Variants in PTPN2 observed in about 807,000 individuals in gnomAD.
The protein encoded by PTPN2 is tyrosine-protein phosphatase non-receptor type 2.
A neutral mutation model predicts 57.3 loss-of-function variants in PTPN2; 19 were observed. That is an observed-to-expected ratio of 0.33 (90% confidence interval 0.23 to 0.49). PTPN2 has a LOEUF of 0.49. Among genes scored for constraint, PTPN2 ranks in the 20% least tolerant of loss-of-function variants. PTPN2 has a pLI of 0.99. For synonymous variants in PTPN2, 153 were observed against 164.9 expected (o/e 0.93, Z 0.55); for missense variants, 358 against 501.1 (o/e 0.71, Z 2.73).
intron 1 of PTPN2, chr18:12,880,566 A>T (rs2044635741): frequency 6.6e-6 from 1 of 152,246 alleles, no homozygotes; most frequent in African/African-American, 2.4e-5. Flanking sequence ...GTATCTGTTA[A>T]TCTAGCTGCT....
intron 1 of PTPN2, chr18:12,863,430 G>T (rs2043881281): frequency 6.6e-6 from 1 of 151,680 alleles, no homozygotes; most frequent in Non-Finnish European, 1.5e-5. Flanking sequence ...CTGCACTCTA[G>T]CCTGGGCAAC....
chr18:12,841,910 T>A (rs1365967542), intron 2 of PTPN2, among the ~76,000 whole-genome samples: 1 of 9,462 alleles, frequency 1.1e-4, no homozygotes, highest in East Asian at 2.0e-3. Context: ...ATCTCACCAT[T>A]TTTTTTTTTT....
intron 3 of PTPN2, among the ~76,000 whole-genome samples, chr18:12,834,947 G>T (rs1021018909): frequency 2.0e-4 from 31 of 152,198 alleles, no homozygotes; most frequent in African/African-American, 7.5e-4. Flanking sequence ...ACCCACTGCA[G>T]TATACCAAAA....
chr18:12,873,901 C>A (rs1375892313), intron 1 of PTPN2, among the ~76,000 whole-genome samples: 3 of 148,662 alleles, frequency 2.0e-5, no homozygotes, highest in African/African-American at 7.9e-5. Flanking sequence ...TGCCCCGCCG[C>A]CCCGTCTGGG....
intron 2 of PTPN2, chr18:12,841,083 G>T: frequency 9.9e-7 from 1 of 1,011,712 alleles, no homozygotes; most frequent in Non-Finnish European, 1.3e-6. Flanking sequence ...ATTAAGCCGT[G>T]ACTCTGAGTA....
downstream of PTPN2, among the ~76,000 whole-genome samples, chr18:12,788,433 T>TC (rs1491453064): frequency 1.3e-3 from 4 of 3,104 alleles, no homozygotes; most frequent in Non-Finnish European, 3.4e-3. Context: ...GGATCAGGGC[T>TC]TTTTTTTTTT....
At chr18:12,831,954 A>G (rs867337840) in intron 3 of PTPN2, among the ~76,000 whole-genome samples, 52 of 152,230 alleles carry the variant, frequency 3.4e-4, no homozygotes, top group African/African-American at 1.2e-3. Context: ...AGAAGGTTAA[A>G]ATGAGATGTA....
chr18:12,819,155 G>A, intron 5 of PTPN2: 1 of 700,662 alleles, frequency 1.4e-6, no homozygotes, highest in Non-Finnish European at 2.2e-6. Context: ...CCCAGACTCA[G>A]TATATAAGGT....
At chr18:12,808,187 G>C (rs565606208) in intron 7 of PTPN2, among the ~76,000 whole-genome samples, 1 of 151,606 alleles carries the variant, frequency 6.6e-6, no homozygotes, top group Non-Finnish European at 1.5e-5. Context: ...ACCCTATCTC[G>C]AAAAAAATTT....
rs1263227205 is a variant in PTPN2 at position 12,792,299 on chromosome 18, T to C, written c.*1979A>G. On this transcript the variant is annotated 3_prime_UTR_variant, in exon 9 of 9. Coordinates refer to ENST00000309660, the MANE Select transcript of PTPN2 (RefSeq NM_002828.4). ...TTTTCAAACTTTTTTTTTTTTTTTT[T>C]TTGAGACGAAGTCTTGCTCTGTTGC... is the stretch of plus-strand genomic sequence containing the variant. 1.1e-6 allele frequency: 1 copy of C among 919,678 alleles called. No homozygotes were observed. Among genetic ancestry groups the C allele is most frequent in the East Asian group, 1.2e-4 (1 of 8,520 alleles). The allele number at this position is 919,678 out of a possible 1,614,324, so 57.0% of individuals were successfully genotyped here.
chr18:12,884,122 C>T lies in PTPN2; in HGVS notation c.20G>A (p.Arg7Gln). The change falls in exon 1 of 9, where the codon CGG becomes CAG. Residue 7 changes from arginine (R) to glutamine (Q), a missense_variant. Arg to Gln is a conservative substitution (Grantham distance 43). Transcript: ENST00000309660. MPTTIE[R>Q]EFEELDTQRR... Reference sequence around the variant, plus strand: ...CTGAGTATCCAACTCTTCGAACTCCCGCTCGATGGTGGTGGGCATGGCTGC... The same window carrying T: ...CTGAGTATCCAACTCTTCGAACTCCTGCTCGATGGTGGTGGGCATGGCTGC... 7.6e-6 allele frequency: 12 copies of T among 1,588,114 alleles called. No individual in the cohort carries two copies. The highest frequency in any genetic ancestry group is 1.0e-5 in the Non-Finnish European group (12 of 1,168,724).
intron 4 of PTPN2, among the ~76,000 whole-genome samples, chr18:12,827,644 C>T (rs1032994544): frequency 4.0e-5 from 6 of 151,248 alleles, no homozygotes; most frequent in Admixed American, 2.6e-4. Flanking sequence ...CTCAGCCTCC[C>T]AAAGTGCTGG....
chr18:12,827,742 GAGAA>G (rs2042528750), intron 4 of PTPN2, among the ~76,000 whole-genome samples: 1 of 151,820 alleles, frequency 6.6e-6, no homozygotes, highest in Non-Finnish European at 1.5e-5. Flanking sequence ...CAGGATTAAA[GAGAA>G]CGTGACAAAT....
At chr18:12,833,976 T>C (rs983563854) in intron 3 of PTPN2, among the ~76,000 whole-genome samples, 1 of 152,188 alleles carries the variant, frequency 6.6e-6, no homozygotes, top group African/African-American at 2.4e-5. Flanking sequence ...TTCTGAGTTC[T>C]CGCATTAAAT....
intron 6 of PTPN2, among the ~76,000 whole-genome samples, chr18:12,815,746 T>A (rs2042054307): frequency 6.6e-6 from 1 of 152,218 alleles, no homozygotes; most frequent in South Asian, 2.1e-4. Flanking sequence ...CCGTTCCCAA[T>A]TCCTAGCTTT....
chr18:12,831,082 CAGAA>C lies in PTPN2; in HGVS notation c.262-45_262-42del, dbSNP rs1027375428. On this transcript the variant is annotated intron_variant, in intron 3 of 8. Transcript: ENST00000309660. Reference sequence around the variant, plus strand: ...AGAGAGAGCAGATGAGGGAAGCAGACAGAAAGAGCAAGGCTCCAGGAAGGCCTTG... The same window carrying C: ...AGAGAGAGCAGATGAGGGAAGCAGACAGAGCAAGGCTCCAGGAAGGCCTTG... 5.7e-6 allele frequency: 8 copies of C among 1,412,924 alleles called. No individual in the cohort carries two copies. The African/African-American group carries it at 1.1e-4, about 20-fold the overall frequency. The allele number at this position is 1,412,924 out of a possible 1,614,324, so 87.5% of individuals were successfully genotyped here. A position where few individuals can be genotyped will look rare whatever the true frequency, so the allele number is the denominator to read the frequency against.
intron 7 of PTPN2, among the ~76,000 whole-genome samples, chr18:12,802,579 T>A (rs2041470917): frequency 6.6e-6 from 1 of 152,006 alleles, no homozygotes; most frequent in Non-Finnish European, 1.5e-5. Flanking sequence ...AATAAAGCCA[T>A]CAAAAGTCAG....
At chr18:12,818,009 G>A (rs1389507306) in intron 5 of PTPN2, among the ~76,000 whole-genome samples, 1 of 152,086 alleles carries the variant, frequency 6.6e-6, no homozygotes, top group Non-Finnish European at 1.5e-5. Context: ...AGGCGTGGTG[G>A]CGCGTGCCTG....
Position 12,825,911 on chromosome 18 carries a change from G to C in PTPN2, c.394C>G (p.Gln132Glu). The change falls in exon 5 of 9, where the codon CAA (glutamine) becomes GAA (glutamate). Residue 132 changes from glutamine (Q) to glutamate (E), a missense_variant. Gln to Glu is a conservative substitution (Grantham distance 29). This residue lies in a region of PTPN2 where 193 missense variants were observed against 315.4 expected (regional missense o/e 0.61). Coordinates refer to ENST00000309660, the MANE Select transcript of PTPN2 (RefSeq NM_002828.4). ...CCTGTTTCTTTAAACAGCATCTCTT[G>C]GTCATCTGTTGGCCAGTACTGTGCA... is the stretch of plus-strand genomic sequence containing the variant. The part of the protein sequence containing the change: ...KCAQYWPTDD[Q>E]EMLFKETGFS... 2 of 1,611,090 alleles carry C rather than the reference G, an allele frequency of 1.2e-6. No homozygotes were observed. The highest frequency in any genetic ancestry group is 1.1e-5 in the South Asian group (1 of 90,868).
Sources: gnomAD v4.1 joint callset for allele counts (sites outside exome capture counted in the v4.1 genomes callset) on GRCh38, gnomAD v4.1.1 for gene constraint, gnomAD v4.1.1 regional missense constraint, MANE v1.5 for transcripts, NCBI Gene and HGNC (gene_info 2026-07-23, HGNC 2026-07-21) for gene names.